EIF1AD: variants seen among roughly 807,000 people sequenced by gnomAD.
The protein encoded by EIF1AD is probable RNA-binding protein EIF1AD.
A neutral mutation model predicts 21.7 loss-of-function variants in EIF1AD; 9 were observed. That is an observed-to-expected ratio of 0.41 (90% CI 0.25 to 0.72). The LOEUF is 0.72. Ranked by LOEUF, EIF1AD falls within the 30% of genes least tolerant of loss-of-function variation. The probability of loss-of-function intolerance (pLI) is 0.29; values close to 1 mark genes in which losing one functional copy is unlikely to be tolerated. For synonymous variants in EIF1AD, 78 were observed against 70.9 expected (o/e 1.10, Z -0.50); for missense variants, 164 against 199.7 (o/e 0.82, Z 1.08).
intron 3 of EIF1AD, 161 bp downstream of exon 3, chr11:65,999,892 C>T: frequency 1.5e-6 from 1 of 658,298 alleles, no homozygotes; most frequent in Non-Finnish European, 2.6e-6. Context: ...AAGTGATTCT[C>T]AGGCCTCAGC....
intron 1 of EIF1AD, among the ~76,000 whole-genome samples, chr11:66,001,300 T>C (rs899297158): frequency 8.6e-5 from 13 of 151,608 alleles, no homozygotes; most frequent in African/African-American, 1.5e-4. Flanking sequence ...GGTGAAACCC[T>C]CTCTCTACAA....
rs756168708 is a variant in EIF1AD, at chr11:65,999,683, TAAG to T, written c.197-11_197-9del. On this transcript the variant is annotated splice_polypyrimidine_tract_variant and intron_variant, in intron 3 of 5. Transcript: ENST00000533544. ...CAACAATGAGAAAGTCCCCTGTAGA[TAAG>T]AAGAGAAAAGGCAAAGTCAGGCCTG... 1.2e-6 allele frequency: 2 copies of T among 1,603,180 alleles called. No individual in the cohort carries two copies. Among genetic ancestry groups the T allele is most frequent in the Admixed American group, 1.7e-5 (1 of 59,818 alleles).
At chr11:66,000,622 A>G (rs3825068) in intron 1 of EIF1AD, 117 bp from the exon 2 acceptor site, 21,675 of 542,944 alleles carry the variant, frequency 0.04, 849 homozygotes, top group East Asian at 0.15. Context: ...TCCCAGAAAA[A>G]TAACAGCTAA....
rs1370132783 is a variant in EIF1AD, at chr11:66,000,162, C to G, written c.88-1G>C. The stretch of plus-strand genomic sequence containing the variant: ...GATTGTTCCCTGGGGTCCTGAGTAC[C>G]TGGTTCAGGAGAGACCAAGAATCAG... On this transcript the variant is annotated splice_acceptor_variant, in intron 2 of 5. Coordinates refer to ENST00000533544, the MANE Select transcript of EIF1AD (RefSeq NM_001242481.2). LOFTEE classifies it high-confidence loss of function. The G allele has an allele frequency of 6.2e-7, 1 of 1,612,654 alleles. No homozygotes were observed. The highest frequency in any genetic ancestry group is 8.5e-7 in the Non-Finnish European group (1 of 1,178,814).
rs1052546084 is a variant in EIF1AD at position 65,997,764 on chromosome 11, T to C, written c.*835A>G. ...GGTGTAGGGTGGACTACGGAATTGA[T>C]GCTACACAAGAGGGAAGTGAAGGCA... On this transcript the variant is annotated 3_prime_UTR_variant, in exon 6 of 6. Coordinates refer to ENST00000533544, the MANE Select transcript of EIF1AD (RefSeq NM_001242481.2). 1 of 152,212 alleles carries C rather than the reference T, an allele frequency of 6.6e-6. No individual in the cohort carries two copies. Among genetic ancestry groups the C allele is most frequent in the East Asian group, 1.9e-4 (1 of 5,198 alleles). The allele number at this position is 152,212 out of a possible 1,614,324, so 9.4% of individuals were successfully genotyped here.
Position 65,998,888 on chromosome 11 carries a change from A to C in EIF1AD, c.354-145T>G, listed in dbSNP as rs1855828833. 6 of 895,592 alleles carry C rather than the reference A, an allele frequency of 6.7e-6. No homozygotes were observed. The East Asian group carries it at 1.5e-4, about 22-fold the overall frequency. The allele number at this position is 895,592 out of a possible 1,614,324, so 55.5% of individuals were successfully genotyped here. A position where few individuals can be genotyped will look rare whatever the true frequency, so the allele number is the denominator to read the frequency against. ...TAAAGACTCAAACAAGGGACACAGG[A>C]GAGCAAACAGTGGGGAAACGTGGCC... On this transcript the variant is annotated intron_variant, in intron 5 of 5. Coordinates refer to ENST00000533544, the MANE Select transcript of EIF1AD (RefSeq NM_001242481.2).
chr11:65,999,975 T>G (rs1006955533), intron 3 of EIF1AD, 78 bp downstream of exon 3: 13 of 1,182,834 alleles, frequency 1.1e-5, no homozygotes, highest in Non-Finnish European at 1.6e-5. Flanking sequence ...GGTCTCATTA[T>G]GCTGCCCAGG....
In EIF1AD at chr11:65,996,620, T is replaced by C. The variant is rs1248452584; in HGVS notation, c.*1979A>G. ...TATACATTATATTCATATATACATATATACAAATGTATATATGTTTAAAGC... is the reference window on the plus strand; with the variant it reads ...TATACATTATATTCATATATACATACATACAAATGTATATATGTTTAAAGC... On this transcript the variant is annotated 3_prime_UTR_variant, in exon 6 of 6. Coordinates refer to ENST00000533544, the MANE Select transcript of EIF1AD (RefSeq NM_001242481.2). 4 of 152,130 alleles carry C rather than the reference T, an allele frequency of 2.6e-5. No individual in the cohort carries two copies. Among genetic ancestry groups the C allele is most frequent in the African/African-American group, 4.8e-5 (2 of 41,424 alleles). 9.4% of individuals were successfully genotyped at this position (152,130 alleles called of 1,614,324 possible).
Position 65,996,633 on chromosome 11 carries a change from A to G in EIF1AD, c.*1966T>C, listed in dbSNP as rs1176137958. The G allele has an allele frequency of 6.6e-6, 1 of 152,150 alleles. No homozygotes were observed. Among genetic ancestry groups the G allele is most frequent in the South Asian group, 2.1e-4 (1 of 4,832 alleles). The allele number at this position is 152,150 out of a possible 1,614,324, so 9.4% of individuals were successfully genotyped here. A position where few individuals can be genotyped will look rare whatever the true frequency, so the allele number is the denominator to read the frequency against. On this transcript the variant is annotated 3_prime_UTR_variant, in exon 6 of 6. Coordinates refer to ENST00000533544, the MANE Select transcript of EIF1AD (RefSeq NM_001242481.2). ...CATATATACATATATACAAATGTATATATGTTTAAAGCCACGCTATAAGAG... is the reference window on the plus strand; with the variant it reads ...CATATATACATATATACAAATGTATGTATGTTTAAAGCCACGCTATAAGAG...
chr11:66,000,508 G>T lies in EIF1AD; in HGVS notation c.-116-3C>A, dbSNP rs892831468. The T allele has an allele frequency of 1.1e-6, 1 of 919,904 alleles. No individual in the cohort carries two copies. 57.0% of individuals were successfully genotyped at this position (919,904 alleles called of 1,614,324 possible). A position where few individuals can be genotyped will look rare whatever the true frequency, so the allele number is the denominator to read the frequency against. On this transcript the variant is annotated splice_region_variant and splice_polypyrimidine_tract_variant and intron_variant, in intron 1 of 5. Coordinates refer to ENST00000533544, the MANE Select transcript of EIF1AD (RefSeq NM_001242481.2). ...TGAAGATGGGGAGGGGCCTTTTACT[G>T]AGGGGTGACACGGTGTCTTGGTTAA...
At position 65,999,563 on chromosome 11, in the gene EIF1AD, C is replaced by A; in HGVS notation, c.305+4G>T. 1 of 1,611,560 alleles carries A rather than the reference C, an allele frequency of 6.2e-7. No individual in the cohort carries two copies. Among genetic ancestry groups the A allele is most frequent in the Non-Finnish European group, 8.5e-7 (1 of 1,178,194 alleles). On this transcript the variant is annotated splice_donor_region_variant and intron_variant, in intron 4 of 5. Transcript: ENST00000533544. ...GACAGCCAATGATCAAGGGGACCAC[C>A]TACCAAAACCCCTCCTTCTGCAGAG...
intron 4 of EIF1AD, 35 bp downstream of exon 4, chr11:65,999,532 A>G: frequency 6.3e-7 from 1 of 1,598,576 alleles, no homozygotes; most frequent in Non-Finnish European, 8.6e-7. Context: ...ATGCCTCCAG[A>G]AGCCAGACAG....
At chr11:66,000,015 C>T (rs1289538586) in intron 3 of EIF1AD, 38 bp downstream of exon 3, 1 of 1,511,652 alleles carries the variant, frequency 6.6e-7, no homozygotes, top group Non-Finnish European at 9.2e-7. Context: ...CCATCTCAGC[C>T]TCTCAAAGTG....
In EIF1AD at chr11:65,998,400, C is replaced by T; in HGVS notation, c.*199G>A. The T allele has an allele frequency of 7.6e-6, 4 of 528,586 alleles. No homozygotes were observed. Among genetic ancestry groups the T allele is most frequent in the Middle Eastern group, 1.1e-3 (2 of 1,804 alleles). The allele number at this position is 528,586 out of a possible 1,614,324, so 32.7% of individuals were successfully genotyped here. A position where few individuals can be genotyped will look rare whatever the true frequency, so the allele number is the denominator to read the frequency against. On this transcript the variant is annotated 3_prime_UTR_variant, in exon 6 of 6. Transcript: ENST00000533544. Reference sequence around the variant, plus strand: ...TTCACTTCATCACAATCTCCCTCCCCCGAGAGAGCCACTCAGACACCAGAA... The same window carrying T: ...TTCACTTCATCACAATCTCCCTCCCTCGAGAGAGCCACTCAGACACCAGAA...
Position 65,998,784 on chromosome 11 carries a change from TG to T in EIF1AD, c.354-42del, listed in dbSNP as rs751718572. 4 of 1,600,002 alleles carry T rather than the reference TG, an allele frequency of 2.5e-6. No individual in the cohort carries two copies. In the African/African-American group the frequency reaches 5.4e-5, roughly 22 times the overall value. On this transcript the variant is annotated intron_variant, in intron 5 of 5. Coordinates refer to ENST00000533544, the MANE Select transcript of EIF1AD (RefSeq NM_001242481.2). ...AGAGCAGGGTTAGCCCAGCGCCTTC[TG>T]GGAAAATAATATCTACAATCAAGGA...
rs1410558082 is a variant in EIF1AD, at chr11:65,998,610, C to T, written c.487G>A (p.Glu163Lys). The change falls in exon 6 of 6, where the codon GAG becomes AAG. Residue 163 changes from glutamate to lysine, a missense_variant. Transcript: ENST00000533544. ...TGGGTCCTGGAGTCTCAGGCTGCCT[C>T]CTCCTCTTCACTCTCCTCCTCACTC... ...HESEEESEEE[E>K]AA 2 of 1,613,892 alleles carry T rather than the reference C, an allele frequency of 1.2e-6. No individual in the cohort carries two copies. The highest frequency in any genetic ancestry group is 4.5e-5 in the East Asian group (2 of 44,882).
At chr11:66,001,472 A>AAAC (rs57694871) in intron 1 of EIF1AD, among the ~76,000 whole-genome samples, 1 of 30,076 alleles carries the variant, frequency 3.3e-5, no homozygotes, top group Non-Finnish European at 1.0e-4. Flanking sequence ...ACTCCGTCTC[A>AAAC]AAAAAAAAAA....
At chr11:65,999,754 T>C (rs1383789722) in intron 3 of EIF1AD, 79 bp from the exon 4 acceptor site, 2 of 982,288 alleles carry the variant, frequency 2.0e-6, no homozygotes, top group Non-Finnish European at 3.2e-6. Context: ...GGGTTCTATC[T>C]CCTAGAGAGG....
At position 65,998,724 on chromosome 11, in the gene EIF1AD, G is replaced by A; in HGVS notation, c.373C>T (p.Pro125Ser). ...TCTCCTGATAACTGTGGCTCAGCTG[G>A]GAGTTCTGGTTGAGTTTGTCTGCAC... ...NRNRQTQPEL[P>S]AEPQLSGEES... The change falls in exon 6 of 6, where the codon CCA becomes TCA. Residue 125 changes from proline (P) to serine (S), a missense_variant. Physicochemically the swap from Pro to Ser is moderately conservative, Grantham distance 74. Transcript: ENST00000533544. 1 of 1,614,138 alleles carries A rather than the reference G, an allele frequency of 6.2e-7. No individual in the cohort carries two copies. The highest frequency in any genetic ancestry group is 2.2e-5 in the East Asian group (1 of 44,884).
Sources: gnomAD v4.1 joint callset for allele counts (sites outside exome capture counted in the v4.1 genomes callset) on GRCh38, gnomAD v4.1.1 for gene constraint, MANE v1.5 for transcripts, NCBI Gene and HGNC (gene_info 2026-07-23, HGNC 2026-07-21) for gene names.